DAPK2: variants seen among roughly 807,000 people sequenced by gnomAD.
The protein encoded by DAPK2 is death-associated protein kinase 2.
A neutral mutation model predicts 44.1 loss-of-function variants in DAPK2; 35 were observed. The ratio of observed to expected loss-of-function variants is 0.79; its 90% CI spans 0.61 to 1.05. The LOEUF is 1.05. DAPK2 is among the 50% of genes least tolerant of loss of function. The pLI is 0.00. For synonymous variants in DAPK2, 174 were observed against 182.6 expected, an observed-to-expected ratio of 0.95 and a Z score of 0.38; for missense variants, 453 against 483.2, an observed-to-expected ratio of 0.94 and a Z score of 0.59.
chr15:63,983,679 C>T (rs1215255360), exon 2 of DAPK2: 1 of 1,613,996 alleles, frequency 6.2e-7, no homozygotes, highest in Non-Finnish European at 8.5e-7. Flanking sequence ...GGCTCTGCCG[C>T]TTCTTGATGA....
chr15:64,001,734 A>G (rs868179334), intron 1 of DAPK2, among the ~76,000 whole-genome samples: 2 of 152,182 alleles, frequency 1.3e-5, no homozygotes, highest in South Asian at 4.1e-4. Context: ...GGAATCTTAG[A>G]TTTCATCTCA....
intron 4 of DAPK2, among the ~76,000 whole-genome samples, chr15:63,933,783 G>A (rs1367200278): frequency 1.3e-5 from 2 of 151,248 alleles, no homozygotes; most frequent in African/African-American, 4.9e-5. Flanking sequence ...TTTTTTTGTA[G>A]AGATGAGGTC....
intron 1 of DAPK2, among the ~76,000 whole-genome samples, chr15:64,030,971 T>TACACAC (rs752579612): frequency 6.1e-4 from 37 of 61,036 alleles, no homozygotes; most frequent in African/African-American, 2.1e-3. Context: ...TGTCTCAAAA[T>TACACAC]ACACACATAC....
At chr15:63,953,823 G>A (rs1276812060) in intron 3 of DAPK2, among the ~76,000 whole-genome samples, 2 of 152,204 alleles carry the variant, frequency 1.3e-5, no homozygotes, top group East Asian at 3.8e-4. Context: ...TAAATGGGGT[G>A]AGATGATGTC....
chr15:63,974,526 C>T (rs768125423), intron 2 of DAPK2, among the ~76,000 whole-genome samples: 4 of 152,118 alleles, frequency 2.6e-5, no homozygotes, highest in African/African-American at 9.7e-5. Flanking sequence ...TATTGAAAGA[C>T]CTGGAATCAA....
intron 3 of DAPK2, among the ~76,000 whole-genome samples, chr15:63,968,622 C>T (rs561048965): frequency 1.1e-3 from 163 of 152,324 alleles, no homozygotes; most frequent in Non-Finnish European, 1.8e-3. Context: ...CTACTATTAC[C>T]GAGCACCTAT....
At chr15:63,998,304 A>G (rs534478356) in intron 1 of DAPK2, among the ~76,000 whole-genome samples, 1 of 152,266 alleles carries the variant, frequency 6.6e-6, no homozygotes, top group Non-Finnish European at 1.5e-5. Flanking sequence ...GGGCTCCCAC[A>G]TGGATGTGGG....
At chr15:63,945,954 G>T (rs769962325) in intron 3 of DAPK2, among the ~76,000 whole-genome samples, 6 of 152,170 alleles carry the variant, frequency 3.9e-5, no homozygotes, top group Non-Finnish European at 7.3e-5. Context: ...GGGGCAGTCC[G>T]ATTCTATCCA....
Position 63,912,338 on chromosome 15 carries a change from TG to T in DAPK2, c.859-142del. 1 of 743,522 alleles carries T rather than the reference TG, an allele frequency of 1.3e-6. No homozygotes were observed. Among genetic ancestry groups the T allele is most frequent in the Non-Finnish European group, 2.3e-6 (1 of 441,324 alleles). 46.1% of individuals were successfully genotyped at this position (743,522 alleles called of 1,614,324 possible). ...TCTCCCCGCCAGGTGGGGCACACCG[TG>T]GGAGCATCACAGTCAGGGCAACAGC... On this transcript the variant is annotated intron_variant, in intron 8 of 10. Coordinates refer to ENST00000261891, the Ensembl canonical transcript of DAPK2. This position sits in a 1 kb window ranked among gnomAD's most constrained non-coding sequence, Gnocchi z 4.4.
intron 6 of DAPK2, among the ~76,000 whole-genome samples, chr15:63,928,871 G>C (rs2140357600): frequency 6.6e-6 from 1 of 152,270 alleles, no homozygotes; most frequent in Admixed American, 6.5e-5. Context: ...GGCAAGATTG[G>C]GGAGGGCATA....
Position 63,936,769 on chromosome 15 carries a change from C to T in DAPK2, c.583+2463G>A, listed in dbSNP as rs372241730. 1.1e-3 allele frequency among the ~76,000 whole-genome samples: 164 copies of T among 152,046 alleles called. 1 individual carries two copies. The highest frequency in any genetic ancestry group is 3.3e-3 in the African/African-American group (135 of 41,464). ...CTGAGGTGGGAGGATCACTTGAATC[C>T]GGGAGTTTGAGATCAGCCTGGGCAA... On this transcript the variant is annotated intron_variant, in intron 4 of 10. Transcript: ENST00000261891.
In DAPK2 at chr15:63,969,423, C is replaced by A. The variant is rs186466543; in HGVS notation, c.453+2000G>T. Among the ~76,000 whole-genome samples the A allele has an allele frequency of 5.7e-3, 860 of 149,740 alleles. 7 individuals are homozygous for A. The highest frequency in any genetic ancestry group is 0.019 in the African/African-American group (788 of 40,588). The stretch of plus-strand genomic sequence containing the variant: ...TGACAGAGTGAGACCCTGTCCCCCC[C>A]AAAAAGAAACACCAAAAACAAACTG... On this transcript the variant is annotated intron_variant, in intron 3 of 10. Coordinates refer to ENST00000261891, the Ensembl canonical transcript of DAPK2.
intron 1 of DAPK2, among the ~76,000 whole-genome samples, chr15:64,031,803 T>C (rs2080023697): frequency 6.6e-6 from 1 of 152,256 alleles, no homozygotes; most frequent in African/African-American, 2.4e-5. Context: ...CTGAGTTTTT[T>C]CATCTATAAA....
intron 3 of DAPK2, among the ~76,000 whole-genome samples, chr15:63,951,398 G>A (rs901718841): frequency 2.6e-5 from 4 of 152,076 alleles, no homozygotes; most frequent in Admixed American, 6.5e-5. Context: ...ACCAGGTACC[G>A]AAGGGCAGTC....
chr15:63,976,420 G>A (rs750512917), intron 2 of DAPK2, among the ~76,000 whole-genome samples: 5 of 152,202 alleles, frequency 3.3e-5, no homozygotes, highest in African/African-American at 4.8e-5. Context: ...ATTGCTTTGC[G>A]TAAGAATTGA....
intron 1 of DAPK2, among the ~76,000 whole-genome samples, chr15:64,021,253 G>A (rs1369529166): frequency 1.3e-5 from 2 of 152,174 alleles, no homozygotes; most frequent in African/African-American, 2.4e-5. Flanking sequence ...GTCAGCACAG[G>A]ATGATACTGC....
intron 1 of DAPK2, among the ~76,000 whole-genome samples, chr15:64,025,615 T>C (rs2079817837): frequency 6.6e-6 from 1 of 152,158 alleles, no homozygotes; most frequent in Non-Finnish European, 1.5e-5. Flanking sequence ...AGATCAGGAG[T>C]AGCCCACCTT....
At chr15:64,026,275 A>G (rs2079844154) in intron 1 of DAPK2, among the ~76,000 whole-genome samples, 1 of 151,800 alleles carries the variant, frequency 6.6e-6, no homozygotes, top group South Asian at 2.1e-4. Flanking sequence ...GCAGTCTCTC[A>G]TTCTGTTGCC....
At chr15:63,922,763 T>A (rs2079113161) in intron 8 of DAPK2, 11 of 1,523,044 alleles carry the variant, frequency 7.2e-6, no homozygotes, top group Non-Finnish European at 9.7e-6. Flanking sequence ...CAGAAATTCC[T>A]CAGTGCATGA....
Sources: gnomAD v4.1 joint callset for allele counts (sites outside exome capture counted in the v4.1 genomes callset) on GRCh38, gnomAD v4.1.1 for gene constraint, Gnocchi (gnomAD v3.1) non-coding constraint, MANE v1.5 for transcripts, NCBI Gene and HGNC (gene_info 2026-07-23, HGNC 2026-07-21) for gene names.